The following PLCB1 variants were observed in gnomAD, a reference collection of about 807,000 sequenced individuals.
The protein encoded by PLCB1 is phospholipase C beta 1.
PLCB1 carries 46 observed loss-of-function variants against 161.8 expected under a neutral mutation model. The observed-to-expected ratio is 0.28, with a 90% CI of 0.22 to 0.36. PLCB1 has a LOEUF of 0.36. PLCB1 is among the 10% of genes least tolerant of loss of function. PLCB1 has a pLI of 1.00. For missense variants in PLCB1, 1,016 were observed against 1,472.5 expected, an observed-to-expected ratio of 0.69 and a Z score of 5.07; for synonymous variants, 517 against 503.7, an observed-to-expected ratio of 1.03 and a Z score of -0.35.
At chr20:8,390,980 C>G (rs1039014889) in intron 3 of PLCB1, among the ~76,000 whole-genome samples, 2 of 151,566 alleles carry the variant, frequency 1.3e-5, no homozygotes, top group Non-Finnish European at 2.9e-5. Flanking sequence ...GCACCTAACA[C>G]AATTGTCACA....
chr20:8,554,916 C>A (rs1415567290), intron 3 of PLCB1, among the ~76,000 whole-genome samples: 2 of 151,958 alleles, frequency 1.3e-5, no homozygotes, highest in Non-Finnish European at 2.9e-5. Context: ...TGTACTTTTG[C>A]ATTTAAGAAA....
chr20:8,648,603 G>A (rs1470778993), intron 6 of PLCB1, among the ~76,000 whole-genome samples: 1 of 152,148 alleles, frequency 6.6e-6, no homozygotes, highest in Non-Finnish European at 1.5e-5. Flanking sequence ...CCAGCCAAAA[G>A]TCTTTAACTT....
At chr20:8,270,616 A>G (rs1182956459) in intron 2 of PLCB1, among the ~76,000 whole-genome samples, 1 of 152,140 alleles carries the variant, frequency 6.6e-6, no homozygotes, top group African/African-American at 2.4e-5. Context: ...CAATATACTG[A>G]TTAATCTGAA....
chr20:8,606,182 G>A (rs1407515185), intron 3 of PLCB1, among the ~76,000 whole-genome samples: 1 of 151,996 alleles, frequency 6.6e-6, no homozygotes, highest in African/African-American at 2.4e-5. Flanking sequence ...CATCATCATG[G>A]TTTTGTTGTT....
chr20:8,794,562 G>T (rs926293349), intron 31 of PLCB1, among the ~76,000 whole-genome samples: 6 of 152,070 alleles, frequency 3.9e-5, no homozygotes, highest in African/African-American at 1.4e-4. Context: ...ATTTCTTCCT[G>T]TTCTTCCATT....
At position 8,489,573 on chromosome 20, in the gene PLCB1, A is replaced by G. The variant is rs555074894; in HGVS notation, c.246+118123A>G. On this transcript the variant is annotated intron_variant, in intron 3 of 31. Transcript: ENST00000338037. Reference sequence around the variant, plus strand: ...TATCTTTCATTTAGTAGATTTTTCAAAATGTTTATATTCATAGCAAGTTCT... The same window carrying G: ...TATCTTTCATTTAGTAGATTTTTCAGAATGTTTATATTCATAGCAAGTTCT... Among the ~76,000 whole-genome samples the G allele has an allele frequency of 3.3e-5, 5 of 152,214 alleles. No individual in the cohort carries two copies. The South Asian group carries it at 8.3e-4, about 25-fold the overall frequency.
chr20:8,517,444 CA>C (rs1465888453), intron 3 of PLCB1, among the ~76,000 whole-genome samples: 2 of 152,196 alleles, frequency 1.3e-5, no homozygotes, highest in Non-Finnish European at 2.9e-5. Context: ...TTAAGGCTCA[CA>C]TACAGGGGAG....
chr20:8,677,425 G>A (rs991171588), intron 9 of PLCB1, among the ~76,000 whole-genome samples: 8 of 151,932 alleles, frequency 5.3e-5, no homozygotes, highest in Non-Finnish European at 1.0e-4. Flanking sequence ...TTTAAAATCC[G>A]GACAAATAAT....
At chr20:8,177,050 C>A (rs748315689) in intron 2 of PLCB1, among the ~76,000 whole-genome samples, 1 of 151,986 alleles carries the variant, frequency 6.6e-6, no homozygotes, top group Non-Finnish European at 1.5e-5. Flanking sequence ...GTATTAAAAT[C>A]AAATTAAAAT....
chr20:8,674,654 A>G (rs529383806), intron 9 of PLCB1, among the ~76,000 whole-genome samples: 2 of 152,274 alleles, frequency 1.3e-5, no homozygotes, highest in South Asian at 4.1e-4. Flanking sequence ...ACTTTCTGGA[A>G]CACCTTCTGG....
At chr20:8,438,999 A>G (rs1173218616) in intron 3 of PLCB1, among the ~76,000 whole-genome samples, 1 of 152,166 alleles carries the variant, frequency 6.6e-6, no homozygotes, top group Non-Finnish European at 1.5e-5. Context: ...AGAGTCAGCG[A>G]CGTGCTCTCG....
At chr20:8,434,228 A>G (rs1980197491) in intron 3 of PLCB1, among the ~76,000 whole-genome samples, 1 of 152,164 alleles carries the variant, frequency 6.6e-6, no homozygotes, top group South Asian at 2.1e-4. Flanking sequence ...ACATTTTTGA[A>G]AATACGGTCT....
intron 2 of PLCB1, among the ~76,000 whole-genome samples, chr20:8,185,174 G>A (rs546660360): frequency 6.6e-6 from 1 of 152,236 alleles, no homozygotes; most frequent in South Asian, 2.1e-4. Context: ...TGCATTGCTG[G>A]GAGGAGTGTA....
At chr20:8,754,360 A>G (rs1228927975) in intron 23 of PLCB1, among the ~76,000 whole-genome samples, 2 of 150,992 alleles carry the variant, frequency 1.3e-5, no homozygotes, top group Middle Eastern at 3.2e-3. Context: ...ATGCACCTCC[A>G]GTCTAACACC....
intron 9 of PLCB1, among the ~76,000 whole-genome samples, chr20:8,662,637 T>G (rs1989709956): frequency 6.7e-6 from 1 of 148,368 alleles, no homozygotes; most frequent in East Asian, 1.9e-4. Context: ...ATATAAATAT[T>G]ACTTCTTGAA....
At chr20:8,565,356 A>T (rs1379676778) in intron 3 of PLCB1, among the ~76,000 whole-genome samples, 4 of 152,088 alleles carry the variant, frequency 2.6e-5, no homozygotes, top group Non-Finnish European at 5.9e-5. Flanking sequence ...GGGTTAGGGC[A>T]TGGATATCAT....
chr20:8,132,696 C>T lies in PLCB1; in HGVS notation c.45C>T (p.Pro15=), dbSNP rs540174506. ...GAGTGCACGCCTTGCAACTCAAGCC[C>T]GTGTGCGTGTCCGACAGCCTCAAGA... ...QPGVHALQLK[P]VCVSDSLKKG... Residue 15 remains proline, a synonymous_variant, in exon 1 of 32, where the codon CCC becomes CCT. Coordinates refer to ENST00000338037, the MANE Select transcript of PLCB1 (RefSeq NM_015192.4). The surrounding 1 kb of genome is among the most constrained non-coding windows in gnomAD (Gnocchi z 5.2). The T allele has an allele frequency of 1.2e-6, 2 of 1,612,960 alleles. No individual in the cohort carries two copies. Among genetic ancestry groups the T allele is most frequent in the Admixed American group, 1.7e-5 (1 of 59,970 alleles).
At chr20:8,529,721 C>A (rs572769166) in intron 3 of PLCB1, among the ~76,000 whole-genome samples, 15 of 152,060 alleles carry the variant, frequency 9.9e-5, no homozygotes, top group Non-Finnish European at 2.1e-4. Flanking sequence ...CTCCAGCCAT[C>A]CTGTGCCCTT....
chr20:8,238,458 G>A (rs1201268820), intron 2 of PLCB1, among the ~76,000 whole-genome samples: 1 of 151,910 alleles, frequency 6.6e-6, no homozygotes, highest in East Asian at 1.9e-4. Context: ...AAGCTCCAGG[G>A]CTTATCATTC....
Sources: gnomAD v4.1 joint callset for allele counts (sites outside exome capture counted in the v4.1 genomes callset) on GRCh38, gnomAD v4.1.1 for gene constraint, Gnocchi (gnomAD v3.1) non-coding constraint, MANE v1.5 for transcripts, NCBI Gene and HGNC (gene_info 2026-07-23, HGNC 2026-07-21) for gene names.